Variants in SLC14A2 observed in about 807,000 individuals in gnomAD.
The protein encoded by SLC14A2 is urea transporter 2.
SLC14A2 carries 91 observed loss-of-function variants against 104.6 expected under a neutral mutation model. That is an observed-to-expected ratio of 0.87 (90% CI 0.73 to 1.04). The LOEUF (loss-of-function observed/expected upper bound fraction) is 1.04. Among genes scored for constraint, SLC14A2 ranks in the 50% least tolerant of loss-of-function variants. The pLI is 0.00. For synonymous variants in SLC14A2, 476 were observed against 466.4 expected (o/e 1.02, Z -0.27); for missense variants, 1,189 against 1,156.0 (o/e 1.03, Z -0.41).
At chr18:45,665,628 G>T (rs1455849296) in intron 11 of SLC14A2, among the ~76,000 whole-genome samples, 1 of 150,440 alleles carries the variant, frequency 6.6e-6, no homozygotes, top group African/African-American at 2.5e-5. Flanking sequence ...ATGGCTCATG[G>T]CTCAGGCAGC....
At chr18:45,479,849 G>A (rs566480179) in intron 1 of SLC14A2, among the ~76,000 whole-genome samples, 1 of 152,286 alleles carries the variant, frequency 6.6e-6, no homozygotes, top group South Asian at 2.1e-4. Flanking sequence ...GCCCCCAAAG[G>A]TCTGGACTCT....
chr18:45,451,556 T>C (rs2086858317), intron 1 of SLC14A2, among the ~76,000 whole-genome samples: 1 of 152,124 alleles, frequency 6.6e-6, no homozygotes, highest in Non-Finnish European at 1.5e-5. Flanking sequence ...TATGAAATTT[T>C]CTTATTCCCA....
chr18:45,332,526 T>C (rs1336014310), intron 1 of SLC14A2, among the ~76,000 whole-genome samples: 2 of 152,314 alleles, frequency 1.3e-5, no homozygotes, highest in East Asian at 3.9e-4. Context: ...AATGACTGTA[T>C]ATTATTGTGC....
chr18:45,179,337 C>T, the SLC14A2 span, among the ~76,000 whole-genome samples: 3 of 152,198 alleles, frequency 2.0e-5, no homozygotes, highest in Non-Finnish European at 4.4e-5. Context: ...TCTCTCCCAT[C>T]AGCCCATTTC....
chr18:45,633,639 C>T (rs1175651040), intron 5 of SLC14A2, among the ~76,000 whole-genome samples: 5 of 152,214 alleles, frequency 3.3e-5, no homozygotes, highest in African/African-American at 1.2e-4. Context: ...CCACCCTGTT[C>T]TCAACTTCCC....
intron 1 of SLC14A2, among the ~76,000 whole-genome samples, chr18:45,347,785 C>G (rs190113912): frequency 6.6e-6 from 1 of 152,350 alleles, no homozygotes; most frequent in Admixed American, 6.5e-5. Flanking sequence ...GTATAAACTT[C>G]CATGTTGCCA....
intron 1 of SLC14A2, among the ~76,000 whole-genome samples, chr18:45,234,838 C>T (rs930332522): frequency 6.6e-5 from 10 of 151,920 alleles, no homozygotes; most frequent in East Asian, 3.8e-4. Context: ...TATTATTTAG[C>T]GCCTTTTTTT....
chr18:45,293,744 A>T (rs891854834), intron 1 of SLC14A2, among the ~76,000 whole-genome samples: 4 of 152,200 alleles, frequency 2.6e-5, no homozygotes, highest in African/African-American at 9.6e-5. Flanking sequence ...TGTGCAGCCA[A>T]ATATATTTGA....
chr18:45,624,938 C>A, intron 2 of SLC14A2, 124 bp downstream of exon 2: 1 of 930,662 alleles, frequency 1.1e-6, no homozygotes, highest in Non-Finnish European at 1.6e-6. Flanking sequence ...ACTGTCAGTA[C>A]ATGGTGACAC....
chr18:45,553,869 A>G (rs1325961977), intron 2 of SLC14A2, among the ~76,000 whole-genome samples: 3 of 152,190 alleles, frequency 2.0e-5, no homozygotes, highest in Non-Finnish European at 4.4e-5. Context: ...GACCCTGCCT[A>G]TAACACGCTC....
the SLC14A2 span, among the ~76,000 whole-genome samples, chr18:45,180,610 A>G: frequency 2.6e-5 from 4 of 152,172 alleles, no homozygotes; most frequent in Non-Finnish European, 5.9e-5. Context: ...AAAAAATCTC[A>G]GTTTATATTT....
At chr18:45,593,109 A>G (rs1339635738) in intron 2 of SLC14A2, among the ~76,000 whole-genome samples, 1 of 152,164 alleles carries the variant, frequency 6.6e-6, no homozygotes, top group Non-Finnish European at 1.5e-5. Flanking sequence ...TGAGGTCAGG[A>G]GATCGAGACC....
At chr18:45,562,754 T>C (rs1378945454) in intron 2 of SLC14A2, among the ~76,000 whole-genome samples, 1 of 149,714 alleles carries the variant, frequency 6.7e-6, no homozygotes, top group Non-Finnish European at 1.5e-5. Context: ...TGCTGAGCTC[T>C]GGCCCCCGGA....
In SLC14A2 at chr18:45,309,317, A is replaced by G. The variant is rs186396631; in HGVS notation, c.-125+96126A>G. ...AGGACTTCTCTTAATATGGGTAACTATAATTCTCAGAAGCACTTTTTTTTT... is the reference window on the plus strand; with the variant it reads ...AGGACTTCTCTTAATATGGGTAACTGTAATTCTCAGAAGCACTTTTTTTTT... On this transcript the variant is annotated intron_variant, in intron 1 of 20. Coordinates refer to the SLC14A2 transcript ENST00000586448. Among the ~76,000 whole-genome samples the G allele has an allele frequency of 4.6e-5, 7 of 150,652 alleles. No homozygotes were observed. In the East Asian group the frequency reaches 7.8e-4, roughly 17 times the overall value.
chr18:45,203,909 A>G, the SLC14A2 span, among the ~76,000 whole-genome samples: 1 of 152,340 alleles, frequency 6.6e-6, no homozygotes, highest in African/African-American at 2.4e-5. Flanking sequence ...GAATTCTCCA[A>G]CCAGCCTGTG....
At chr18:45,406,624 A>C (rs2086157726) in intron 1 of SLC14A2, among the ~76,000 whole-genome samples, 1 of 152,192 alleles carries the variant, frequency 6.6e-6, no homozygotes, top group South Asian at 2.1e-4. Flanking sequence ...AGCTTTACCA[A>C]ACATATTTCT....
rs145739695 is a variant in SLC14A2, at chr18:45,415,419, A to C, written c.-124-67814A>C. On this transcript the variant is annotated intron_variant, in intron 1 of 20. Transcript: ENST00000586448. ...GATGACATAATGAATTTCCCCATCA[A>C]AGCTCTGTAATCGAGCCATCTTCAC... is the stretch of plus-strand genomic sequence containing the variant. Among the ~76,000 whole-genome samples, 1,503 of 152,260 alleles carry C rather than the reference A, an allele frequency of 9.9e-3. 16 individuals are homozygous for C. The highest frequency in any genetic ancestry group is 0.024 in the African/African-American group (1,002 of 41,538).
chr18:45,500,428 T>A (rs571426410), intron 2 of SLC14A2, among the ~76,000 whole-genome samples: 73 of 151,952 alleles, frequency 4.8e-4, no homozygotes, highest in Non-Finnish European at 8.8e-4. Context: ...ATACAAAAAA[T>A]TAGCGGGGCG....
chr18:45,431,461 T>A (rs2086513572), intron 1 of SLC14A2, among the ~76,000 whole-genome samples: 1 of 152,164 alleles, frequency 6.6e-6, no homozygotes, highest in Admixed American at 6.6e-5. Context: ...AAGAAGTAAA[T>A]ATTATTTTTT....
Sources: allele counts gnomAD v4.1 joint callset (sites outside exome capture counted in the v4.1 genomes callset), GRCh38; gene constraint gnomAD v4.1.1; transcripts MANE v1.5; gene names NCBI Gene and HGNC (gene_info 2026-07-23, HGNC 2026-07-21).